The following RAPGEF4 variants were observed in gnomAD, a reference collection of about 807,000 sequenced individuals.
RAPGEF4 encodes the protein RAP guanine-nucleotide-exchange factor (GEF) 4.
A neutral mutation model predicts 147.9 loss-of-function variants in RAPGEF4; 66 were observed. That is an observed-to-expected ratio of 0.45 (90% CI 0.37 to 0.55). RAPGEF4 has a LOEUF of 0.55. RAPGEF4 is among the 20% of genes least tolerant of loss of function. The pLI, the probability that RAPGEF4 is intolerant of heterozygous loss-of-function variation, is 0.00. For synonymous variants in RAPGEF4, 419 were observed against 442.7 expected, an observed-to-expected ratio of 0.95 and a Z score of 0.67; for missense variants, 1,071 against 1,257.3, an observed-to-expected ratio of 0.85 and a Z score of 2.24.
At chr2:173,017,248 T>C in intron 20 of RAPGEF4, 44 bp downstream of exon 20, 1 of 1,585,260 alleles carries the variant, frequency 6.3e-7, no homozygotes, top group Non-Finnish European at 8.7e-7. Context: ...TCCTGTAGAA[T>C]TACAATTCCC....
At chr2:172,822,985 T>C (rs2468393) in intron 4 of RAPGEF4, among the ~76,000 whole-genome samples, 148,137 of 152,312 alleles carry the variant, frequency 0.97, 72,174 homozygotes, top group East Asian at 1. Flanking sequence ...CTCTGTCTGC[T>C]TTTCTGTGGT....
At chr2:172,951,426 A>T (rs1218771996) in intron 6 of RAPGEF4, among the ~76,000 whole-genome samples, 1 of 152,250 alleles carries the variant, frequency 6.6e-6, no homozygotes, top group African/African-American at 2.4e-5. Flanking sequence ...GGGGTAGAAC[A>T]GTGAGCAAAA....
intron 6 of RAPGEF4, among the ~76,000 whole-genome samples, chr2:172,957,992 G>C (rs1278993998): frequency 6.6e-6 from 1 of 152,178 alleles, no homozygotes; most frequent in South Asian, 2.1e-4. Context: ...TTAAAATATA[G>C]CCATTGCTTT....
At chr2:173,017,099 G>T in intron 19 of RAPGEF4, 75 bp from the exon 20 acceptor site, 1 of 1,362,550 alleles carries the variant, frequency 7.3e-7, no homozygotes, top group South Asian at 1.2e-5. Flanking sequence ...TCTAACATAA[G>T]ATTAGTTATA....
intron 4 of RAPGEF4, among the ~76,000 whole-genome samples, chr2:172,874,620 G>A (rs1269138381): frequency 6.6e-6 from 1 of 152,120 alleles, no homozygotes; most frequent in Admixed American, 6.6e-5. Context: ...GTGTATATGT[G>A]CCACATTTTC....
rs898051483 is a variant in RAPGEF4 at position 172,794,362 on chromosome 2, A to AG, written c.66-663_66-662insG. Among the ~76,000 whole-genome samples, 12 of 151,266 alleles carry AG rather than the reference A, an allele frequency of 7.9e-5. 1 individual carries two copies. In the South Asian group the frequency reaches 2.1e-3, roughly 26 times the overall value. On this transcript the variant is annotated intron_variant, in intron 1 of 30. Coordinates refer to ENST00000397081, the MANE Select transcript of RAPGEF4 (RefSeq NM_007023.4). ...AACTCCATCTCAAAAAAAAAAAAAA[A>AG]AAAGAAAAAAGAAAAAAGCAGACAA...
At chr2:173,050,857 G>T (rs967201930) in intron 30 of RAPGEF4, among the ~76,000 whole-genome samples, 1 of 151,716 alleles carries the variant, frequency 6.6e-6, no homozygotes. Context: ...AGGGACCTGT[G>T]TTTCCAGTTC....
At chr2:172,891,442 A>T (rs1697901398) in intron 4 of RAPGEF4, among the ~76,000 whole-genome samples, 1 of 152,224 alleles carries the variant, frequency 6.6e-6, no homozygotes. Flanking sequence ...CATTTTCTAT[A>T]GAAGCCAGCT....
chr2:173,032,946 G>A (rs1032174275), intron 26 of RAPGEF4, among the ~76,000 whole-genome samples: 2 of 152,192 alleles, frequency 1.3e-5, no homozygotes, highest in African/African-American at 4.8e-5. Flanking sequence ...CTAGTCCTGG[G>A]ATGGGAAACG....
intron 4 of RAPGEF4, among the ~76,000 whole-genome samples, chr2:172,871,426 C>G (rs1335181806): frequency 1.3e-5 from 2 of 152,050 alleles, no homozygotes; most frequent in East Asian, 3.9e-4. Context: ...GCTTACAGAG[C>G]CCAGGGTTAG....
At chr2:172,876,782 T>C (rs1695983530) in intron 4 of RAPGEF4, among the ~76,000 whole-genome samples, 1 of 152,200 alleles carries the variant, frequency 6.6e-6, no homozygotes, top group African/African-American at 2.4e-5. Context: ...TTAGGGAAGA[T>C]TCCCTCTTTT....
At chr2:172,853,204 T>C (rs888973628) in intron 4 of RAPGEF4, among the ~76,000 whole-genome samples, 2 of 152,066 alleles carry the variant, frequency 1.3e-5, no homozygotes, top group East Asian at 3.8e-4. Flanking sequence ...AGAAGTCATG[T>C]AGGATTGATA....
At chr2:172,760,343 A>G (rs1349595006) in intron 1 of RAPGEF4, among the ~76,000 whole-genome samples, 1 of 152,272 alleles carries the variant, frequency 6.6e-6, no homozygotes, top group Non-Finnish European at 1.5e-5. Flanking sequence ...CAAAGAATAG[A>G]AAGCCTTAGC....
chr2:172,962,152 A>G (rs949756698), intron 8 of RAPGEF4, among the ~76,000 whole-genome samples: 1 of 152,190 alleles, frequency 6.6e-6, no homozygotes, highest in Admixed American at 6.5e-5. Flanking sequence ...GTGTTGAGGA[A>G]CTAGAATTGC....
At chr2:172,771,757 T>C (rs72902264) in intron 1 of RAPGEF4, among the ~76,000 whole-genome samples, 8,848 of 152,214 alleles carry the variant, frequency 0.058, 355 homozygotes, top group Middle Eastern at 0.092. Context: ...AAAATTATTT[T>C]TAATGTTATA....
intron 3 of RAPGEF4, among the ~76,000 whole-genome samples, chr2:172,812,692 A>G (rs1371618227): frequency 6.6e-6 from 1 of 152,224 alleles, no homozygotes; most frequent in Non-Finnish European, 1.5e-5. Flanking sequence ...AAATATGTGG[A>G]TGATGTCAGT....
chr2:173,018,985 A>G (rs11897801), intron 22 of RAPGEF4, among the ~76,000 whole-genome samples, 183 bp downstream of exon 22: 12,568 of 152,212 alleles, frequency 0.083, 833 homozygotes, highest in African/African-American at 0.17. Flanking sequence ...AATGTCCCCT[A>G]TCTGGTAGGT....
At chr2:173,048,905 G>T (rs1348435030) in intron 30 of RAPGEF4, among the ~76,000 whole-genome samples, 2 of 152,182 alleles carry the variant, frequency 1.3e-5, no homozygotes, top group Non-Finnish European at 2.9e-5. Context: ...AATTTAAAGA[G>T]ATTTAATTTG....
chr2:172,957,350 CTT>C (rs889281797), intron 6 of RAPGEF4, among the ~76,000 whole-genome samples: 2 of 152,148 alleles, frequency 1.3e-5, no homozygotes. Context: ...TCAAAAGAAA[CTT>C]TACTTGAAAA....
Sources: allele counts gnomAD v4.1 joint callset (sites outside exome capture counted in the v4.1 genomes callset), GRCh38; gene constraint gnomAD v4.1.1; transcripts MANE v1.5; gene names NCBI Gene and HGNC (gene_info 2026-07-23, HGNC 2026-07-21).